PROC: variants seen among roughly 807,000 people sequenced by gnomAD.
PROC encodes the protein vitamin K-dependent protein C.
PROC carries 22 observed loss-of-function variants against 36.3 expected under a neutral mutation model. The ratio of observed to expected loss-of-function variants is 0.61; its 90% CI spans 0.43 to 0.86. The LOEUF (loss-of-function observed/expected upper bound fraction) is 0.86. Ranked by LOEUF, PROC falls within the 40% of genes least tolerant of loss-of-function variation. The pLI, the probability that PROC is intolerant of heterozygous loss-of-function variation, is 0.00. For synonymous variants in PROC, 218 were observed against 244.5 expected, an observed-to-expected ratio of 0.89 and a Z score of 1.01; for missense variants, 526 against 629.7, an observed-to-expected ratio of 0.84 and a Z score of 1.76.
Position 127,423,336 on chromosome 2 carries a change from G to C in PROC, c.463G>C (p.Val155Leu). The C allele has an allele frequency of 6.4e-7, 1 of 1,550,462 alleles. No individual in the cohort carries two copies. Among genetic ancestry groups the C allele is most frequent in the Non-Finnish European group, 8.7e-7 (1 of 1,147,200 alleles). Residue 155 changes from valine to leucine, a missense_variant, in exon 6 of 9, where the codon GTG becomes CTG. Val to Leu is a conservative substitution (Grantham distance 32). Transcript: ENST00000234071. ...CTGCACGCATTACTGCCTAGAGGAG[G>C]TGGGCTGGCGGCGCTGTAGCTGTGC... ...GGCTHYCLEE[V>L]GWRRCSCAPG...
chr2:127,418,501 C>T lies in PROC; in HGVS notation c.-22+9C>T, dbSNP rs1408604471. The T allele has an allele frequency of 1.6e-6, 2 of 1,289,790 alleles. No homozygotes were observed. Among genetic ancestry groups the T allele is most frequent in the South Asian group, 2.5e-5 (2 of 81,028 alleles). The allele number at this position is 1,289,790 out of a possible 1,614,324, so 79.9% of individuals were successfully genotyped here. A position where few individuals can be genotyped will look rare whatever the true frequency, so the allele number is the denominator to read the frequency against. ...CTCCACGACCCGCCCCTGTGAGTCC[C>T]CCTCCAGGCAGGTCTATGAGGGGTG... On this transcript the variant is annotated intron_variant, in intron 1 of 8. Transcript: ENST00000234071. The surrounding 1 kb of genome is among the most constrained non-coding windows in gnomAD (Gnocchi z 4.8).
At position 127,423,017 on chromosome 2, in the gene PROC, C is replaced by G. The variant is rs1300184131; in HGVS notation, c.263-17C>G. The G allele has an allele frequency of 6.2e-7, 1 of 1,612,460 alleles. No homozygotes were observed. Among genetic ancestry groups the G allele is most frequent in the Non-Finnish European group, 8.5e-7 (1 of 1,179,828 alleles). ...GGATCTCTGGCCGCTGACCCCCTAC[C>G]CCGCCTTGTGTCGCAGACGGTGACC... On this transcript the variant is annotated splice_polypyrimidine_tract_variant and intron_variant, in intron 4 of 8. Transcript: ENST00000234071.
rs755623409 is a variant in PROC, at chr2:127,422,875, A to G, written c.238-42A>G. ...CCCCACCCGGGCGCGCCCCCTCCGC[A>G]CACCGGCTGCAGGAGCCTGACGCTG... is the stretch of plus-strand genomic sequence containing the variant. On this transcript the variant is annotated intron_variant, in intron 3 of 8. Transcript: ENST00000234071. 55 of 1,547,696 alleles carry G rather than the reference A, an allele frequency of 3.6e-5. 1 individual carries two copies. The South Asian group carries it at 6.5e-4, about 18-fold the overall frequency.
intron 2 of PROC, among the ~76,000 whole-genome samples, chr2:127,420,265 C>T (rs897384944): frequency 5.9e-5 from 9 of 152,194 alleles, no homozygotes; most frequent in African/African-American, 1.9e-4. Flanking sequence ...CTCCTCCACA[C>T]GGGGATGGTC....
chr2:127,419,667 A>G lies in PROC; in HGVS notation c.-21-255A>G. ...AGCCACCCCACTGTCCCCAGGGAGGACACAAACATCCTGGCACCCTCTCCA... is the reference window on the plus strand; with the variant it reads ...AGCCACCCCACTGTCCCCAGGGAGGGCACAAACATCCTGGCACCCTCTCCA... On this transcript the variant is annotated intron_variant, in intron 1 of 8. Coordinates refer to ENST00000234071, the MANE Select transcript of PROC (RefSeq NM_000312.4). The G allele has an allele frequency of 4.2e-6, 3 of 712,922 alleles. No homozygotes were observed. The South Asian group carries it at 5.6e-5, about 13-fold the overall frequency. 44.2% of individuals were successfully genotyped at this position (712,922 alleles called of 1,614,324 possible).
intron 6 of PROC, 92 bp from the exon 7 acceptor site, chr2:127,425,993 A>C: frequency 6.6e-7 from 1 of 1,526,592 alleles, no homozygotes; most frequent in South Asian, 1.1e-5. Context: ...GCACTGTGGC[A>C]AAGTGGCCCA....
intron 1 of PROC, chr2:127,419,596 C>T (rs1178592550): frequency 7.3e-6 from 3 of 410,498 alleles, no homozygotes; most frequent in South Asian, 2.1e-5. Flanking sequence ...AGTGTCCAAT[C>T]AACGTTAGCT....
intron 3 of PROC, among the ~76,000 whole-genome samples, chr2:127,421,861 C>G (rs1688114178): frequency 6.6e-6 from 1 of 152,238 alleles, no homozygotes; most frequent in Non-Finnish European, 1.5e-5. Context: ...AAATCGCTCA[C>G]TCTGTGCCTC....
chr2:127,423,635 G>A, intron 6 of PROC: 1 of 611,020 alleles, frequency 1.6e-6, no homozygotes, highest in South Asian at 2.7e-5. Context: ...CTTTCTTCCT[G>A]GCGTCCCCGC....
intron 2 of PROC, 98 bp downstream of exon 2, chr2:127,420,110 G>C: frequency 1.4e-6 from 2 of 1,385,594 alleles, no homozygotes; most frequent in Non-Finnish European, 2.0e-6. Context: ...ATCTCTCTGA[G>C]CCCTGGGTGA....
chr2:127,423,171 G>T lies in PROC; in HGVS notation c.400G>T (p.Glu134Ter), dbSNP rs1257816310. The T allele has an allele frequency of 1.9e-6, 3 of 1,577,582 alleles. No individual in the cohort carries two copies. The highest frequency in any genetic ancestry group is 2.3e-5 in the East Asian group (1 of 42,812). Residue 134 changes from glutamate (E) to a stop codon, truncating the protein, a stop_gained and splice_region_variant, in exon 5 of 9, where the codon GAG (glutamate) becomes TAG (stop). Transcript: ENST00000234071. LOFTEE classifies it high-confidence loss of function. ...SGWEGRFCQR[E>*]VSFLNCSLDN... is the part of the protein sequence containing the mutation. ...CTGGGAGGGCCGCTTCTGCCAGCGC[G>T]GTGAGGGGGAGAGGTGGATGCTGGC... is the stretch of plus-strand genomic sequence containing the variant.
Position 127,423,059 on chromosome 2 carries a change from C to T in PROC, c.288C>T (p.Pro96=), listed in dbSNP as rs760374869. 1.2e-5 allele frequency: 20 copies of T among 1,612,202 alleles called. No individual in the cohort carries two copies. The Admixed American group carries it at 3.3e-4, about 27-fold the overall frequency. The change falls in exon 5 of 9, where the codon CCC becomes CCT. Residue 96 remains proline, a synonymous_variant. Transcript: ENST00000234071. ...ACGGTGACCAGTGCTTGGTCTTGCC[C>T]TTGGAGCACCCGTGCGCCAGCCTGT... ...HVDGDQCLVL[P]LEHPCASLCC...
At chr2:127,428,038 C>T (rs1005713624) in intron 8 of PROC, among the ~76,000 whole-genome samples, 20 of 152,194 alleles carry the variant, frequency 1.3e-4, no homozygotes, top group Non-Finnish European at 1.3e-4. Context: ...CCAGGGGTCT[C>T]GGGCTTCCCT....
At chr2:127,421,137 CATG>C in intron 2 of PROC, 143 bp from the exon 3 acceptor site, 1 of 818,770 alleles carries the variant, frequency 1.2e-6, no homozygotes, top group Non-Finnish European at 2.0e-6. Context: ...TGCGCCAAGC[CATG>C]ACCTAGAATT....
Position 127,426,298 on chromosome 2 carries a change from G to A in PROC, c.678+71G>A. 1 of 1,601,932 alleles carries A rather than the reference G, an allele frequency of 6.2e-7. No homozygotes were observed. Among genetic ancestry groups the A allele is most frequent in the African/African-American group, 1.3e-5 (1 of 74,760 alleles). On this transcript the variant is annotated intron_variant, in intron 7 of 8. Coordinates refer to ENST00000234071, the MANE Select transcript of PROC (RefSeq NM_000312.4). The surrounding 1 kb of genome is among the most constrained non-coding windows in gnomAD (Gnocchi z 7.0). Reference sequence around the variant, plus strand: ...TCACTGAGTCCATCCTGGCAGCTATGCTCAGGGTGCAGAAACCGAGAGGGA... The same window carrying A: ...TCACTGAGTCCATCCTGGCAGCTATACTCAGGGTGCAGAAACCGAGAGGGA...
In PROC at chr2:127,424,768, G is replaced by C. The variant is rs557245839; in HGVS notation, c.536-1317G>C. Among the ~76,000 whole-genome samples, 11 of 152,338 alleles carry C rather than the reference G, an allele frequency of 7.2e-5. No individual in the cohort carries two copies. In the South Asian group the frequency reaches 2.1e-3, roughly 29 times the overall value. ...GAAGCTGCAAAGAAATGCCTGGTGG[G>C]CCTGTTGGCCTGTGGGTTTCCTGCA... On this transcript the variant is annotated intron_variant, in intron 6 of 8. Coordinates refer to ENST00000234071, the MANE Select transcript of PROC (RefSeq NM_000312.4).
At chr2:127,420,849 T>C (rs1364881842) in intron 2 of PROC, among the ~76,000 whole-genome samples, 2 of 152,192 alleles carry the variant, frequency 1.3e-5, no homozygotes, top group African/African-American at 4.8e-5. Context: ...CGTGGTGTAC[T>C]GGCAGAAGAG....
chr2:127,420,611 C>CT (rs1334478839), intron 2 of PROC, among the ~76,000 whole-genome samples: 1 of 152,100 alleles, frequency 6.6e-6, no homozygotes, highest in African/African-American at 2.4e-5. Flanking sequence ...TCTAGGATGC[C>CT]TTTTCCCCCA....
intron 2 of PROC, 46 bp from the exon 3 acceptor site, chr2:127,421,237 C>T (rs371581716): frequency 3.1e-6 from 5 of 1,608,934 alleles, no homozygotes; most frequent in Middle Eastern, 2.0e-4. Context: ...CCCAGCCCCT[C>T]TTAGGCCCCT....
Sources: gnomAD v4.1 joint callset for allele counts (sites outside exome capture counted in the v4.1 genomes callset) on GRCh38, gnomAD v4.1.1 for gene constraint, Gnocchi (gnomAD v3.1) non-coding constraint, MANE v1.5 for transcripts, NCBI Gene and HGNC (gene_info 2026-07-23, HGNC 2026-07-21) for gene names.